BACH2: variants seen among roughly 807,000 people sequenced by gnomAD.
BACH2 encodes the protein transcription regulator protein BACH2.
A neutral mutation model predicts 61.8 loss-of-function variants in BACH2; 5 were observed. The ratio of observed to expected loss-of-function variants is 0.08; its 90% CI spans 0.04 to 0.17. The LOEUF (loss-of-function observed/expected upper bound fraction) is 0.17. Ranked by LOEUF, BACH2 falls within the 10% of genes least tolerant of loss-of-function variation. The pLI, the probability that BACH2 is intolerant of heterozygous loss-of-function variation, is 1.00. For missense variants in BACH2, 824 were observed against 1,091.1 expected (o/e 0.76, Z 3.45); for synonymous variants, 446 against 440.1 (o/e 1.01, Z -0.17).
chr6:90,152,402 G>A (rs1180995457), intron 4 of BACH2, among the ~76,000 whole-genome samples: 1 of 152,174 alleles, frequency 6.6e-6, no homozygotes, highest in African/African-American at 2.4e-5. Flanking sequence ...GATGCCAACT[G>A]CATATTTTAG....
At chr6:90,045,755 G>A (rs1446029892) in intron 5 of BACH2, among the ~76,000 whole-genome samples, 1 of 152,210 alleles carries the variant, frequency 6.6e-6, no homozygotes, top group African/African-American at 2.4e-5. Flanking sequence ...GGTGATGCAA[G>A]AGGTATCCCA....
At chr6:90,199,313 A>G (rs1768874929) in intron 4 of BACH2, among the ~76,000 whole-genome samples, 1 of 152,224 alleles carries the variant, frequency 6.6e-6, no homozygotes, top group Non-Finnish European at 1.5e-5. Flanking sequence ...TAGAAGCATT[A>G]CCATAGTTCC....
chr6:89,990,685 G>A (rs1776496407), intron 6 of BACH2, among the ~76,000 whole-genome samples: 1 of 150,844 alleles, frequency 6.6e-6, no homozygotes, highest in Non-Finnish European at 1.5e-5. Flanking sequence ...CCTTCTCACT[G>A]AGCCCTGTCC....
chr6:90,295,836 C>A (rs1582577925), intron 1 of BACH2, among the ~76,000 whole-genome samples: 1 of 152,268 alleles, frequency 6.6e-6, no homozygotes, highest in East Asian at 1.9e-4. Context: ...CGCCGCGAGG[C>A]CCCCAGCTCG....
intron 5 of BACH2, among the ~76,000 whole-genome samples, chr6:90,009,186 G>C (rs572640843): frequency 1.3e-5 from 2 of 152,326 alleles, no homozygotes; most frequent in East Asian, 3.8e-4. Flanking sequence ...TGGTGGTTCT[G>C]ATTTTGTTAG....
intron 4 of BACH2, among the ~76,000 whole-genome samples, chr6:90,127,269 CCCGCT>C (rs61310523): frequency 0.11 from 15,984 of 152,146 alleles, 1,551 homozygotes; most frequent in African/African-American, 0.26. Context: ...GTAAGGATTT[CCCGCT>C]CCGCTCCGGG....
intron 4 of BACH2, among the ~76,000 whole-genome samples, chr6:90,187,141 C>T (rs1250280134): frequency 6.6e-6 from 1 of 152,168 alleles, no homozygotes; most frequent in African/African-American, 2.4e-5. Context: ...AATCAAGTGT[C>T]TTATTGAGAA....
At chr6:90,176,088 G>A (rs1199178726) in intron 4 of BACH2, among the ~76,000 whole-genome samples, 1 of 152,194 alleles carries the variant, frequency 6.6e-6, no homozygotes, top group Non-Finnish European at 1.5e-5. Flanking sequence ...TTTCCCTTGT[G>A]GCCCTGCGTA....
intron 2 of BACH2, among the ~76,000 whole-genome samples, chr6:90,265,517 T>C (rs1028641545): frequency 6.6e-6 from 1 of 152,182 alleles, no homozygotes; most frequent in African/African-American, 2.4e-5. Context: ...TTAGTGATAG[T>C]GCATCTATCC....
rs3072671 is a variant in BACH2, at chr6:90,210,312, A to AACACACACACAC, written c.-274-3643_-274-3632dup. The stretch of plus-strand genomic sequence containing the variant: ...ATAAACACAACACACACCCCAAAAC[A>AACACACACACAC]ACACACACACACACACACACACACA... On this transcript the variant is annotated intron_variant, in intron 3 of 8. Coordinates refer to ENST00000257749, the MANE Select transcript of BACH2 (RefSeq NM_021813.4). Among the ~76,000 whole-genome samples, 12 of 147,250 alleles carry AACACACACACAC rather than the reference A, an allele frequency of 8.1e-5. 2 individuals are homozygous for AACACACACACAC. The highest frequency in any genetic ancestry group is 3.0e-4 in the African/African-American group (12 of 39,842).
chr6:90,184,167 T>C (rs1290239927), intron 4 of BACH2, among the ~76,000 whole-genome samples: 1 of 152,210 alleles, frequency 6.6e-6, no homozygotes, highest in African/African-American at 2.4e-5. Flanking sequence ...GCAAGCCAGA[T>C]AATGATATCA....
At chr6:89,971,496 G>C (rs937847849) in intron 6 of BACH2, among the ~76,000 whole-genome samples, 3 of 152,192 alleles carry the variant, frequency 2.0e-5, no homozygotes, top group African/African-American at 7.2e-5. Context: ...TATTGGGACA[G>C]AGACAAGTCA....
chr6:90,249,909 AG>A (rs1270907654), intron 3 of BACH2, among the ~76,000 whole-genome samples: 1 of 152,240 alleles, frequency 6.6e-6, no homozygotes, highest in Non-Finnish European at 1.5e-5. Flanking sequence ...CCACAGAACA[AG>A]ACTGCCGTTT....
chr6:90,098,282 G>A (rs1199536224), intron 4 of BACH2, among the ~76,000 whole-genome samples: 3 of 123,934 alleles, frequency 2.4e-5, no homozygotes, highest in East Asian at 2.8e-4. Context: ...TGCCCCCCCC[G>A]CAACCCCCAC....
intron 5 of BACH2, among the ~76,000 whole-genome samples, chr6:90,040,239 T>C (rs1779468877): frequency 6.6e-6 from 1 of 152,182 alleles, no homozygotes; most frequent in Non-Finnish European, 1.5e-5. Context: ...TGGAACCATT[T>C]AGGATTTATC....
intron 4 of BACH2, among the ~76,000 whole-genome samples, chr6:90,202,835 T>C (rs1769001186): frequency 6.6e-6 from 1 of 152,174 alleles, no homozygotes; most frequent in Non-Finnish European, 1.5e-5. Flanking sequence ...CTTGCTAGTG[T>C]GTTTTCTGTG....
chr6:90,055,603 G>A (rs9451332), intron 5 of BACH2, among the ~76,000 whole-genome samples: 13,571 of 141,872 alleles, frequency 0.096, 2,348 homozygotes, highest in African/African-American at 0.37. Flanking sequence ...CCAACATTCA[G>A]ATTCAGGAAA....
chr6:90,210,307 AAAACAACACAC>A (rs1363584883), intron 3 of BACH2, among the ~76,000 whole-genome samples: 2 of 119,290 alleles, frequency 1.7e-5, no homozygotes, highest in South Asian at 2.9e-4. Context: ...CACACACCCC[AAAACAACACAC>A]ACACACACAC....
chr6:90,144,708 A>T (rs1237637050), intron 4 of BACH2, among the ~76,000 whole-genome samples: 1 of 152,234 alleles, frequency 6.6e-6, no homozygotes, highest in Admixed American at 6.5e-5. Context: ...ATATTCTAGA[A>T]GCAAACATAA....
Sources: allele counts gnomAD v4.1 joint callset (sites outside exome capture counted in the v4.1 genomes callset), GRCh38; gene constraint gnomAD v4.1.1; transcripts MANE v1.5; gene names NCBI Gene and HGNC (gene_info 2026-07-23, HGNC 2026-07-21).